Variants in SCHIP1 observed in about 807,000 individuals in gnomAD.
SCHIP1 encodes schwannomin-interacting protein 1.
Under a neutral mutation model 29.7 loss-of-function variants are expected in SCHIP1, and 8 were observed. The observed-to-expected ratio is 0.27, with a 90% CI of 0.16 to 0.49. SCHIP1 has a LOEUF of 0.49. SCHIP1 is among the 20% of genes least tolerant of loss of function. The pLI, the probability that SCHIP1 is intolerant of heterozygous loss-of-function variation, is 0.99. For synonymous variants in SCHIP1, 76 were observed against 94.9 expected, an observed-to-expected ratio of 0.80 and a Z score of 1.16; for missense variants, 193 against 294.6, an observed-to-expected ratio of 0.66 and a Z score of 2.52.
chr3:159,630,004 G>A, the SCHIP1 span, among the ~76,000 whole-genome samples: 9 of 152,280 alleles, frequency 5.9e-5, no homozygotes, highest in South Asian at 8.3e-4. Flanking sequence ...ATTATGAGGG[G>A]TAAGAAGGAA....
At chr3:159,598,974 C>T in the SCHIP1 span, among the ~76,000 whole-genome samples, 3 of 151,822 alleles carry the variant, frequency 2.0e-5, no homozygotes, top group Non-Finnish European at 4.4e-5. Flanking sequence ...ACATTCTTTG[C>T]TTTTTTTTAC....
At chr3:159,769,416 G>A in the SCHIP1 span, among the ~76,000 whole-genome samples, 2 of 152,158 alleles carry the variant, frequency 1.3e-5, no homozygotes, top group African/African-American at 4.8e-5. Context: ...CCTGTTCCCT[G>A]TCTCTGGAGA....
the SCHIP1 span, among the ~76,000 whole-genome samples, chr3:159,791,431 C>T: frequency 6.3e-4 from 96 of 152,354 alleles, 1 homozygote; most frequent in Non-Finnish European, 4.3e-4. Context: ...AGAACCTTCC[C>T]GGCAGGTGCC....
chr3:159,383,935 T>G, the SCHIP1 span, among the ~76,000 whole-genome samples: 1 of 151,428 alleles, frequency 6.6e-6, no homozygotes, highest in Non-Finnish European at 1.5e-5. Context: ...ATAAGAATGC[T>G]TGTGATTTTT....
At chr3:159,694,474 G>A in the SCHIP1 span, among the ~76,000 whole-genome samples, 218 of 151,714 alleles carry the variant, frequency 1.4e-3, 2 homozygotes, top group African/African-American at 5.1e-3. Context: ...AGCCGAGATT[G>A]TGCTACTGCT....
At chr3:159,742,918 CT>C in the SCHIP1 span, among the ~76,000 whole-genome samples, 1 of 150,094 alleles carries the variant, frequency 6.7e-6, no homozygotes, top group African/African-American at 2.5e-5. Flanking sequence ...AACTCCTGAC[CT>C]CAGGTGATCC....
chr3:159,634,269 A>G, the SCHIP1 span, among the ~76,000 whole-genome samples: 1 of 152,212 alleles, frequency 6.6e-6, no homozygotes. Context: ...TCTGGGAGGT[A>G]GAAATGAAGA....
At chr3:159,442,472 C>T in the SCHIP1 span, among the ~76,000 whole-genome samples, 30 of 152,244 alleles carry the variant, frequency 2.0e-4, no homozygotes, top group African/African-American at 7.0e-4. Context: ...CCTTCCAGGC[C>T]TTAGGGAATA....
the SCHIP1 span, among the ~76,000 whole-genome samples, chr3:159,513,804 G>C: frequency 6.6e-6 from 1 of 152,198 alleles, no homozygotes; most frequent in Non-Finnish European, 1.5e-5. Flanking sequence ...CTGCAGAAAT[G>C]CATTGATAAG....
At chr3:159,590,962 C>A in the SCHIP1 span, among the ~76,000 whole-genome samples, 1 of 152,084 alleles carries the variant, frequency 6.6e-6, no homozygotes, top group Non-Finnish European at 1.5e-5. Flanking sequence ...TTTATTCCAC[C>A]TCCCATTCTT....
chr3:159,635,032 T>A, the SCHIP1 span, among the ~76,000 whole-genome samples: 1 of 152,176 alleles, frequency 6.6e-6, no homozygotes, highest in Non-Finnish European at 1.5e-5. Flanking sequence ...CTTTGTATTA[T>A]AAGAAGAACC....
At chr3:159,427,751 A>C in the SCHIP1 span, among the ~76,000 whole-genome samples, 1 of 152,178 alleles carries the variant, frequency 6.6e-6, no homozygotes, top group Non-Finnish European at 1.5e-5. Flanking sequence ...ATCCTAAGCC[A>C]AAAGAACAAA....
the SCHIP1 span, among the ~76,000 whole-genome samples, chr3:159,378,452 GTTGTT>G: frequency 6.6e-6 from 1 of 152,160 alleles, no homozygotes. Context: ...TGATGTTGTT[GTTGTT>G]TTAACTTTCA....
At chr3:159,301,688 A>G in the SCHIP1 span, among the ~76,000 whole-genome samples, 1 of 151,942 alleles carries the variant, frequency 6.6e-6, no homozygotes, top group Non-Finnish European at 1.5e-5. Flanking sequence ...TTCCCCTTTC[A>G]ATCTCTCTCT....
the SCHIP1 span, among the ~76,000 whole-genome samples, chr3:159,495,920 A>G: frequency 6.6e-6 from 1 of 152,186 alleles, no homozygotes; most frequent in Non-Finnish European, 1.5e-5. Flanking sequence ...AGACCAATGG[A>G]ATACAACAGA....
the SCHIP1 span, among the ~76,000 whole-genome samples, chr3:159,574,895 A>T: frequency 6.6e-6 from 1 of 152,228 alleles, no homozygotes; most frequent in Admixed American, 6.5e-5. Flanking sequence ...CTCTGTGGGC[A>T]TGGGACCTGC....
the SCHIP1 span, among the ~76,000 whole-genome samples, chr3:159,395,943 G>A: frequency 5.3e-5 from 8 of 152,118 alleles, no homozygotes; most frequent in Non-Finnish European, 8.8e-5. Flanking sequence ...CATTATTAAC[G>A]TGTGGGAGTC....
chr3:159,389,692 C>T, the SCHIP1 span, among the ~76,000 whole-genome samples: 2 of 152,010 alleles, frequency 1.3e-5, no homozygotes, highest in South Asian at 2.1e-4. Context: ...ACTCTTTTAC[C>T]TTAAATTGTT....
At chr3:159,676,091 C>T in the SCHIP1 span, among the ~76,000 whole-genome samples, 1 of 152,066 alleles carries the variant, frequency 6.6e-6, no homozygotes, top group African/African-American at 2.4e-5. Flanking sequence ...AGATTGCACC[C>T]CTGCACTCCA....
Sources: allele counts gnomAD v4.1 joint callset (sites outside exome capture counted in the v4.1 genomes callset), GRCh38; gene constraint gnomAD v4.1.1; transcripts MANE v1.5; gene names NCBI Gene and HGNC (gene_info 2026-07-23, HGNC 2026-07-21).